The following COL14A1 variants were observed in gnomAD, a reference collection of about 807,000 sequenced individuals.
COL14A1 encodes the protein collagen type XIV alpha 1 chain.
COL14A1 carries 136 observed loss-of-function variants against 230.3 expected under a neutral mutation model. The observed-to-expected ratio is 0.59, with a 90% confidence interval of 0.51 to 0.68. The LOEUF is 0.68. Ranked by LOEUF, COL14A1 falls within the 30% of genes least tolerant of loss-of-function variation. The probability of loss-of-function intolerance (pLI) is 0.00; values close to 1 mark genes in which losing one functional copy is unlikely to be tolerated. For synonymous variants in COL14A1, 792 were observed against 784.1 expected, an observed-to-expected ratio of 1.01 and a Z score of -0.17; for missense variants, 1,976 against 2,215.8, an observed-to-expected ratio of 0.89 and a Z score of 2.17.
intron 42 of COL14A1, among the ~76,000 whole-genome samples, chr8:120,337,261 T>TG (rs570442674): frequency 7.3e-5 from 11 of 151,374 alleles, no homozygotes; most frequent in Non-Finnish European, 1.5e-4. Flanking sequence ...CTGGGCGTGG[T>TG]GGTGGGTGCT....
At chr8:120,164,035 A>G (rs1815780431) in intron 4 of COL14A1, among the ~76,000 whole-genome samples, 1 of 152,168 alleles carries the variant, frequency 6.6e-6, no homozygotes, top group African/African-American at 2.4e-5. Context: ...TGTGAATGCA[A>G]ACAGAAGAGA....
intron 5 of COL14A1, among the ~76,000 whole-genome samples, chr8:120,193,859 T>C (rs1165901632): frequency 1.3e-5 from 2 of 152,170 alleles, no homozygotes; most frequent in Non-Finnish European, 2.9e-5. Flanking sequence ...GAGCCAGGTG[T>C]GGGATATAAT....
intron 9 of COL14A1, among the ~76,000 whole-genome samples, chr8:120,204,444 C>CT (rs1303103475): frequency 6.6e-6 from 1 of 152,132 alleles, no homozygotes; most frequent in African/African-American, 2.4e-5. Flanking sequence ...TGGGGACTGG[C>CT]TTTTTTCATG....
At chr8:120,196,970 A>G (rs779098096) in intron 6 of COL14A1, 24 bp downstream of exon 6, 1 of 1,610,560 alleles carries the variant, frequency 6.2e-7, no homozygotes, top group Admixed American at 1.7e-5. Context: ...TATTAGCAGT[A>G]GCAGTCAGTT....
At chr8:120,243,701 T>C (rs1279869239) in intron 19 of COL14A1, among the ~76,000 whole-genome samples, 178 bp from the exon 20 acceptor site, 1 of 152,220 alleles carries the variant, frequency 6.6e-6, no homozygotes, top group East Asian at 1.9e-4. Flanking sequence ...AACTAAGGGT[T>C]ACTGTGATGG....
rs1409319828 is a variant in COL14A1 at position 120,147,863 on chromosome 8, G to T, written c.21G>T (p.Lys7Asn). The change falls in exon 2 of 48, where the codon AAG becomes AAT. Residue 7 changes from lysine (K) to asparagine (N), a missense_variant. This residue lies in a region of COL14A1 where 181 missense variants were observed against 178.6 expected (regional missense o/e 1.01). Coordinates refer to ENST00000297848, the MANE Select transcript of COL14A1 (RefSeq NM_021110.4). MKIFQR[K>N]MRYWLLPPFL... ...ATAAAATGAAGATTTTCCAGCGCAA[G>T]ATGCGGTACTGGTTGCTTCCACCTT... 6 of 1,613,792 alleles carry T rather than the reference G, an allele frequency of 3.7e-6. No homozygotes were observed.
chr8:120,298,597 T>TTG (rs576663862), intron 35 of COL14A1, among the ~76,000 whole-genome samples: 1 of 57,998 alleles, frequency 1.7e-5, no homozygotes, highest in Non-Finnish European at 3.1e-5. Flanking sequence ...CCCATATATT[T>TTG]TATATATATA....
At chr8:120,229,056 C>T (rs76873540) in intron 18 of COL14A1, among the ~76,000 whole-genome samples, 40 of 151,112 alleles carry the variant, frequency 2.6e-4, no homozygotes, top group East Asian at 1.0e-3. Flanking sequence ...TAGCTGCCTC[C>T]CCAGGGGTCT....
intron 21 of COL14A1, among the ~76,000 whole-genome samples, chr8:120,248,917 C>CTT (rs71571673): frequency 0.12 from 10,004 of 83,910 alleles, 2,573 homozygotes; most frequent in Non-Finnish European, 0.14. Context: ...TTCAATCTTT[C>CTT]TTTTTTTTTT....
intron 38 of COL14A1, among the ~76,000 whole-genome samples, chr8:120,314,543 GA>G (rs1052702089): frequency 4.6e-5 from 7 of 151,614 alleles, no homozygotes; most frequent in Admixed American, 2.0e-4. Context: ...TTGTACCATT[GA>G]AAAAAAAGTT....
At chr8:120,293,262 A>G (rs1820427389) in intron 34 of COL14A1, among the ~76,000 whole-genome samples, 1 of 152,016 alleles carries the variant, frequency 6.6e-6, no homozygotes, top group South Asian at 2.1e-4. Flanking sequence ...GGAGTTGCCT[A>G]TCATTTTAGC....
chr8:120,168,061 T>C (rs1010566), intron 4 of COL14A1, 100 bp from the exon 5 acceptor site: 5 of 717,136 alleles, frequency 7.0e-6, no homozygotes, highest in East Asian at 2.6e-5. Flanking sequence ...CTCATTTCTA[T>C]AGATACTTTT....
chr8:120,221,813 A>G (rs935971388), intron 14 of COL14A1, among the ~76,000 whole-genome samples: 1 of 152,210 alleles, frequency 6.6e-6, no homozygotes. Flanking sequence ...AAATAGTTGT[A>G]AAAGCACCTA....
intron 14 of COL14A1, among the ~76,000 whole-genome samples, chr8:120,224,023 C>CTTTTTTTTTTTTTTTTTTT (rs962510256): frequency 1.3e-5 from 1 of 78,252 alleles, no homozygotes; most frequent in Admixed American, 2.1e-4. Flanking sequence ...CCCTCATCTC[C>CTTTTTTTTTTTTTTTTTTT]TTTTTTTTTT....
At chr8:120,342,581 T>A in intron 44 of COL14A1, 135 bp downstream of exon 44, 1 of 757,026 alleles carries the variant, frequency 1.3e-6, no homozygotes, top group East Asian at 2.8e-5. Context: ...GCTTTACAGA[T>A]GACCATCACT....
At chr8:120,183,966 C>T (rs2130651660) in intron 5 of COL14A1, among the ~76,000 whole-genome samples, 1 of 152,158 alleles carries the variant, frequency 6.6e-6, no homozygotes, top group East Asian at 1.9e-4. Context: ...TCAGCTTTTC[C>T]ACTTGCTCAG....
intron 36 of COL14A1, among the ~76,000 whole-genome samples, chr8:120,303,096 G>A (rs148993619): frequency 1.3e-5 from 2 of 152,272 alleles, no homozygotes; most frequent in Non-Finnish European, 2.9e-5. Context: ...TTTATATCCT[G>A]AAACTTTGCC....
intron 8 of COL14A1, 85 bp downstream of exon 8, chr8:120,199,651 C>A (rs1817163832): frequency 1.4e-6 from 2 of 1,416,140 alleles, no homozygotes; most frequent in African/African-American, 1.5e-5. Context: ...ATGCACTTCA[C>A]TGAAAGCCAG....
intron 42 of COL14A1, among the ~76,000 whole-genome samples, chr8:120,335,331 AG>A (rs760128077): frequency 2.0e-5 from 3 of 152,212 alleles, no homozygotes; most frequent in Non-Finnish European, 4.4e-5. Flanking sequence ...ATCAGCAGAA[AG>A]GGGCCCTTGA....
Sources: gnomAD v4.1 joint callset for allele counts (sites outside exome capture counted in the v4.1 genomes callset) on GRCh38, gnomAD v4.1.1 for gene constraint, gnomAD v4.1.1 regional missense constraint, MANE v1.5 for transcripts, NCBI Gene and HGNC (gene_info 2026-07-23, HGNC 2026-07-21) for gene names.